The following ZNF718 variants were observed in gnomAD, a reference collection of about 807,000 sequenced individuals.
ZNF718 encodes zinc finger protein 718.
In ZNF718, 3 loss-of-function variants were observed where a neutral mutation model predicts 2.6. The observed-to-expected ratio is 1.16, with a 90% CI of 0.53 to 3.01. The LOEUF is 3.01. ZNF718 is among the 30% of genes most tolerant of loss of function. The probability of loss-of-function intolerance (pLI) is 0.03; values close to 1 mark genes in which losing one functional copy is unlikely to be tolerated. For synonymous variants in ZNF718, 135 were observed against 77.9 expected (o/e 1.73, Z -3.86); for missense variants, 468 against 230.0 (o/e 2.03, Z -6.69).
intron 3 of ZNF718, among the ~76,000 whole-genome samples, chr4:149,528 G>A (rs1553812140): frequency 6.6e-6 from 1 of 151,548 alleles, no homozygotes; most frequent in African/African-American, 2.4e-5. Flanking sequence ...CTTCATATTT[G>A]GTAATTTTCA....
chr4:170,978 T>G (rs1045873554), intron 3 of ZNF718, among the ~76,000 whole-genome samples: 3 of 152,194 alleles, frequency 2.0e-5, no homozygotes, highest in Admixed American at 1.3e-4. Flanking sequence ...TTTGTGGTTT[T>G]ATCTACCTTT....
At chr4:171,663 C>T (rs1717236232) in intron 3 of ZNF718, among the ~76,000 whole-genome samples, 1 of 152,182 alleles carries the variant, frequency 6.6e-6, no homozygotes, top group African/African-American at 2.4e-5. Context: ...ATATAATCTC[C>T]TGGTGTGCGA....
intron 3 of ZNF718, among the ~76,000 whole-genome samples, chr4:170,764 GT>G (rs1273650652): frequency 6.6e-6 from 1 of 151,870 alleles, no homozygotes; most frequent in African/African-American, 2.4e-5. Flanking sequence ...TTTTTTCAAG[GT>G]TTTTAACTTC....
intron 3 of ZNF718, among the ~76,000 whole-genome samples, chr4:198,138 A>G (rs1418337737): frequency 1.3e-5 from 2 of 152,162 alleles, no homozygotes; most frequent in Non-Finnish European, 2.9e-5. Context: ...AGAAGATGCC[A>G]TAGACCTGAG....
chr4:167,694 T>G (rs142074439), downstream of ZNF718, among the ~76,000 whole-genome samples: 1,794 of 152,296 alleles, frequency 0.012, 24 homozygotes, highest in Non-Finnish European at 0.017. Flanking sequence ...TTTTGCACAT[T>G]GATTTTGTGT....
Position 191,115 on chromosome 4 carries a change from G to T in ZNF718, c.227-9966G>T, listed in dbSNP as rs187107492. On this transcript the variant is annotated intron_variant and NMD_transcript_variant, in intron 3 of 4. Coordinates refer to the ZNF718 transcript ENST00000642529. ...AATATTTAGAGTTGGTATCTTCTAA[G>T]TTTCTAAAATCAAAAACCAGACATA... Among the ~76,000 whole-genome samples the T allele has an allele frequency of 2.7e-3, 387 of 145,362 alleles. 2 individuals carry two copies. The highest frequency in any genetic ancestry group is 9.5e-3 in the African/African-American group (377 of 39,564).
At chr4:144,477 T>A (rs946686340) in intron 3 of ZNF718, among the ~76,000 whole-genome samples, 10 of 152,212 alleles carry the variant, frequency 6.6e-5, no homozygotes, top group Non-Finnish European at 1.2e-4. Context: ...GTACAATGGC[T>A]TTGGCTATTT....
At chr4:189,738 G>T (rs1717655895) in intron 3 of ZNF718, among the ~76,000 whole-genome samples, 1 of 152,164 alleles carries the variant, frequency 6.6e-6, no homozygotes, top group Non-Finnish European at 1.5e-5. Context: ...CCACCAGTAA[G>T]TGTACTATTA....
intron 3 of ZNF718, among the ~76,000 whole-genome samples, chr4:171,435 C>G (rs1185391386): frequency 6.6e-6 from 1 of 152,260 alleles, no homozygotes; most frequent in Non-Finnish European, 1.5e-5. Context: ...TGCCCTGCCC[C>G]CCAGAGGTGG....
At chr4:187,631 G>C (rs1717595350) in intron 3 of ZNF718, among the ~76,000 whole-genome samples, 3 of 152,198 alleles carry the variant, frequency 2.0e-5, no homozygotes, top group African/African-American at 7.2e-5. Context: ...CTCCATCCCA[G>C]GGGGTACTGA....
intron 3 of ZNF718, among the ~76,000 whole-genome samples, chr4:137,795 T>C (rs1715637817): frequency 6.6e-6 from 1 of 152,152 alleles, no homozygotes. Flanking sequence ...TTTATTTTAA[T>C]GTTCAGAGAT....
chr4:164,993 C>G (rs1405295425), downstream of ZNF718, among the ~76,000 whole-genome samples: 1 of 152,156 alleles, frequency 6.6e-6, no homozygotes, highest in African/African-American at 2.4e-5. Context: ...AAGAGGACAT[C>G]TGTTCCCAGG....
At chr4:195,282 G>A (rs1331373569) in intron 3 of ZNF718, among the ~76,000 whole-genome samples, 2 of 152,174 alleles carry the variant, frequency 1.3e-5, no homozygotes, top group Admixed American at 1.3e-4. Flanking sequence ...CAGCTCACAC[G>A]TTTGGGCAGA....
intron 3 of ZNF718, among the ~76,000 whole-genome samples, chr4:158,117 TA>T (rs1204986440): frequency 1.3e-5 from 2 of 152,184 alleles, no homozygotes; most frequent in African/African-American, 4.8e-5. Context: ...TTGTCTCTTA[TA>T]AGCTTTTAGT....
chr4:147,073 C>T (rs929294436), intron 3 of ZNF718, among the ~76,000 whole-genome samples: 6 of 152,092 alleles, frequency 3.9e-5, no homozygotes, highest in African/African-American at 7.2e-5. Flanking sequence ...CAGATTCAAG[C>T]GATTCTTTTG....
intron 3 of ZNF718, among the ~76,000 whole-genome samples, chr4:182,789 A>G (rs185300979): frequency 1.3e-3 from 201 of 152,246 alleles, no homozygotes; most frequent in African/African-American, 4.6e-3. Context: ...GGTTGGCCAC[A>G]TGTATGTCTT....
intron 3 of ZNF718, among the ~76,000 whole-genome samples, chr4:199,379 T>A (rs1717855215): frequency 6.6e-6 from 1 of 152,220 alleles, no homozygotes; most frequent in Non-Finnish European, 1.5e-5. Flanking sequence ...ACTAACTCAA[T>A]TTCCTTGCAT....
intron 3 of ZNF718, among the ~76,000 whole-genome samples, chr4:189,358 G>A (rs916946728): frequency 6.6e-6 from 1 of 152,028 alleles, no homozygotes; most frequent in Admixed American, 6.5e-5. Flanking sequence ...TGTAAAGTAT[G>A]TGTACTTGCT....
chr4:199,453 A>G (rs1401576679), intron 3 of ZNF718, among the ~76,000 whole-genome samples: 4 of 152,158 alleles, frequency 2.6e-5, no homozygotes, highest in Non-Finnish European at 4.4e-5. Context: ...TCCTGGGGAC[A>G]CCATGACTCT....
Sources: allele counts gnomAD v4.1 joint callset (sites outside exome capture counted in the v4.1 genomes callset), GRCh38; gene constraint gnomAD v4.1.1; transcripts MANE v1.5; gene names NCBI Gene and HGNC (gene_info 2026-07-23, HGNC 2026-07-21).